ADCY8: variants seen among roughly 807,000 people sequenced by gnomAD.
ADCY8 encodes adenylate cyclase 8.
ADCY8 carries 51 observed loss-of-function variants against 119.7 expected under a neutral mutation model. That is an observed-to-expected ratio of 0.43 (90% CI 0.34 to 0.54). The LOEUF (loss-of-function observed/expected upper bound fraction) is 0.54, where lower values mean the gene tolerates loss of function less well. Among genes scored for constraint, ADCY8 ranks in the 20% least tolerant of loss-of-function variants. The pLI is 0.03. For missense variants in ADCY8, 1,383 were observed against 1,598.8 expected (o/e 0.87, Z 2.30); for synonymous variants, 665 against 651.0 (o/e 1.02, Z -0.33).
chr8:130,952,075 C>A, intron 2 of ADCY8, 77 bp from the exon 3 acceptor site: 1 of 1,555,138 alleles, frequency 6.4e-7, no homozygotes, highest in South Asian at 1.2e-5. Flanking sequence ...GTGGAGAAGT[C>A]ATGGGGCTTT....
chr8:130,808,277 T>C (rs777804367), intron 14 of ADCY8, among the ~76,000 whole-genome samples: 19 of 152,090 alleles, frequency 1.2e-4, no homozygotes, highest in Non-Finnish European at 2.2e-4. Context: ...ACCTGGCACA[T>C]GGTTGGCCCT....
At chr8:130,982,699 A>G (rs1822275360) in intron 2 of ADCY8, among the ~76,000 whole-genome samples, 1 of 152,228 alleles carries the variant, frequency 6.6e-6, no homozygotes, top group South Asian at 2.1e-4. Flanking sequence ...AAAATTCCAT[A>G]AAAAATTAGC....
chr8:130,868,850 T>C (rs540055726), intron 8 of ADCY8, among the ~76,000 whole-genome samples: 21 of 152,352 alleles, frequency 1.4e-4, no homozygotes, highest in Admixed American at 2.6e-4. Flanking sequence ...TTGCATTTCA[T>C]GGTTACTTCA....
At chr8:130,880,250 C>G (rs573891049) in intron 8 of ADCY8, among the ~76,000 whole-genome samples, 1 of 152,272 alleles carries the variant, frequency 6.6e-6, no homozygotes, top group South Asian at 2.1e-4. Flanking sequence ...TAGATTCACA[C>G]TCATGTAAGA....
chr8:130,883,309 T>C (rs183278148), intron 8 of ADCY8, among the ~76,000 whole-genome samples: 5 of 152,320 alleles, frequency 3.3e-5, no homozygotes, highest in African/African-American at 1.2e-4. Flanking sequence ...AGAAAATGTA[T>C]TTAATTTGGA....
At chr8:130,966,750 C>T (rs1821774222) in intron 2 of ADCY8, among the ~76,000 whole-genome samples, 1 of 152,146 alleles carries the variant, frequency 6.6e-6, no homozygotes, top group African/African-American at 2.4e-5. Flanking sequence ...CCCTCTGTAC[C>T]AGTTGCGTCC....
chr8:130,839,106 A>G (rs1817069601), intron 11 of ADCY8, among the ~76,000 whole-genome samples: 1 of 139,786 alleles, frequency 7.2e-6, no homozygotes, highest in African/African-American at 2.4e-5. Flanking sequence ...CTTAGGTCAT[A>G]TTAGAGAATC....
chr8:130,954,575 G>T, intron 2 of ADCY8, among the ~76,000 whole-genome samples: 1 of 152,186 alleles, frequency 6.6e-6, no homozygotes, highest in East Asian at 1.9e-4. Context: ...TACTCAGGTA[G>T]GATTGAGAAA....
chr8:130,816,055 G>A (rs1816330246), intron 13 of ADCY8, among the ~76,000 whole-genome samples: 1 of 152,154 alleles, frequency 6.6e-6, no homozygotes, highest in South Asian at 2.1e-4. Flanking sequence ...CACATGGTGA[G>A]CTGCCCTGAA....
intron 1 of ADCY8, among the ~76,000 whole-genome samples, chr8:131,001,864 A>C (rs185207456): frequency 6.6e-6 from 1 of 152,176 alleles, no homozygotes; most frequent in South Asian, 2.1e-4. Flanking sequence ...TGCTTTACAA[A>C]GAACATTTAT....
intron 1 of ADCY8, among the ~76,000 whole-genome samples, chr8:131,016,363 G>T (rs148354974): frequency 2.9e-4 from 44 of 152,222 alleles, no homozygotes; most frequent in African/African-American, 9.9e-4. Flanking sequence ...AATTAGCTAG[G>T]CATGGTAGCA....
At chr8:130,855,113 CTCTCTT>C (rs1338863053) in intron 9 of ADCY8, among the ~76,000 whole-genome samples, 47 of 138,528 alleles carry the variant, frequency 3.4e-4, no homozygotes, top group South Asian at 3.0e-3. Flanking sequence ...CTCTCTCTCT[CTCTCTT>C]TTTTTTTTTT....
chr8:130,830,061 C>G (rs933059937), intron 12 of ADCY8, among the ~76,000 whole-genome samples: 1 of 152,178 alleles, frequency 6.6e-6, no homozygotes, highest in African/African-American at 2.4e-5. Flanking sequence ...CCTAACAGCA[C>G]TTAGGGTTAC....
chr8:131,012,640 C>T (rs1177897458), intron 1 of ADCY8, among the ~76,000 whole-genome samples: 1 of 152,192 alleles, frequency 6.6e-6, no homozygotes, highest in African/African-American at 2.4e-5. Context: ...TGCCAGTCTC[C>T]TTTGAGGATT....
chr8:130,983,694 C>T (rs1822308511), intron 2 of ADCY8, among the ~76,000 whole-genome samples: 1 of 152,082 alleles, frequency 6.6e-6, no homozygotes, highest in Non-Finnish European at 1.5e-5. Context: ...GGGGCTTTCT[C>T]ACATTTAGTG....
At chr8:130,987,018 C>A (rs905513372) in intron 2 of ADCY8, among the ~76,000 whole-genome samples, 2 of 152,108 alleles carry the variant, frequency 1.3e-5, no homozygotes, top group East Asian at 3.9e-4. Flanking sequence ...TCATACTCAT[C>A]CTCCAGGTCC....
At chr8:131,021,958 T>C (rs2130796890) in intron 1 of ADCY8, among the ~76,000 whole-genome samples, 1 of 152,296 alleles carries the variant, frequency 6.6e-6, no homozygotes, top group African/African-American at 2.4e-5. Context: ...AATTCAGAAT[T>C]ATGTGGGCAA....
Position 130,993,241 on chromosome 8 carries a change from A to C in ADCY8, c.961-2699T>G, listed in dbSNP as rs77941110. 1.9e-4 allele frequency among the ~76,000 whole-genome samples: 29 copies of C among 152,338 alleles called. No homozygotes were observed. In the East Asian group the frequency reaches 4.8e-3, roughly 25 times the overall value. On this transcript the variant is annotated intron_variant, in intron 1 of 17. Coordinates refer to ENST00000286355, the MANE Select transcript of ADCY8 (RefSeq NM_001115.3). ...TCACTATACAATAATAAAGGGTTTA[A>C]TACATCAGAAATACATAAAAATTCT... is the stretch of plus-strand genomic sequence containing the variant.
At chr8:131,033,873 T>C (rs937988888) in intron 1 of ADCY8, among the ~76,000 whole-genome samples, 1 of 152,040 alleles carries the variant, frequency 6.6e-6, no homozygotes, top group Non-Finnish European at 1.5e-5. Flanking sequence ...GAGAGAATAA[T>C]ATTTCCATTT....
Sources: gnomAD v4.1 joint callset for allele counts (sites outside exome capture counted in the v4.1 genomes callset) on GRCh38, gnomAD v4.1.1 for gene constraint, MANE v1.5 for transcripts, NCBI Gene and HGNC (gene_info 2026-07-23, HGNC 2026-07-21) for gene names.